Variants in SDK2 observed in about 807,000 individuals in gnomAD.
SDK2 encodes the protein sidekick cell adhesion molecule 2.
Under a neutral mutation model 253.9 loss-of-function variants are expected in SDK2, and 105 were observed. That is an observed-to-expected ratio of 0.41 (90% CI 0.35 to 0.49). The LOEUF is 0.49. SDK2 is among the 20% of genes least tolerant of loss of function. The pLI is 0.06. For missense variants in SDK2, 2,608 were observed against 3,003.0 expected, an observed-to-expected ratio of 0.87 and a Z score of 3.07; for synonymous variants, 1,249 against 1,234.9, an observed-to-expected ratio of 1.01 and a Z score of -0.24.
At chr17:73,401,264 T>C (rs1699343363) in intron 20 of SDK2, 53 bp from the exon 21 acceptor site, 2 of 1,463,492 alleles carry the variant, frequency 1.4e-6, no homozygotes, top group Admixed American at 2.1e-5. Flanking sequence ...CAAGTTGGCC[T>C]GACCCACTAC....
intron 6 of SDK2, among the ~76,000 whole-genome samples, chr17:73,438,858 A>G (rs113268228): frequency 0.011 from 1,643 of 152,268 alleles, 30 homozygotes; most frequent in East Asian, 0.063. Context: ...GAAGGGCCCC[A>G]TGGAAAAGGA....
rs1567799525 is a variant in SDK2, at chr17:73,483,700, TATATA to T, written c.225-11487_225-11483del. Among the ~76,000 whole-genome samples, 59 of 81,718 alleles carry T rather than the reference TATATA, an allele frequency of 7.2e-4. 3 individuals carry two copies. The highest frequency in any genetic ancestry group is 1.8e-3 in the East Asian group (5 of 2,728). The allele number at this position is 81,718 out of a possible 152,430, so 53.6% of individuals were successfully genotyped here. A position where few individuals can be genotyped will look rare whatever the true frequency, so the allele number is the denominator to read the frequency against. On this transcript the variant is annotated intron_variant, in intron 2 of 44. Transcript: ENST00000392650. ...ATATATATTTATATATATATATATA[TATATA>T]TATTTTTTTTTTTTTTTAGTAGAGT...
intron 29 of SDK2, among the ~76,000 whole-genome samples, chr17:73,388,837 C>CTT (rs2062899999): frequency 9.0e-6 from 1 of 110,690 alleles, no homozygotes; most frequent in African/African-American, 3.2e-5. Context: ...TCCTTCCTTC[C>CTT]CCCCTCCTTT....
In SDK2 at chr17:73,358,331, C is replaced by G; in HGVS notation, c.5468-127G>C. 3.1e-6 allele frequency: 4 copies of G among 1,271,300 alleles called. No individual in the cohort carries two copies. In the South Asian group the frequency reaches 6.3e-5, roughly 20 times the overall value. The allele number at this position is 1,271,300 out of a possible 1,614,324, so 78.8% of individuals were successfully genotyped here. ...CTGGACAGAGAGCCGCCAGGAAGCC[C>G]TGCAAATGTCGCGGCCTGAGAGTAC... On this transcript the variant is annotated intron_variant, in intron 39 of 44. Coordinates refer to ENST00000392650, the MANE Select transcript of SDK2 (RefSeq NM_001144952.2).
At position 73,399,165 on chromosome 17, in the gene SDK2, T is replaced by G; in HGVS notation, c.3093+3A>C. ...TGCTGGTCAGGCCCCAGGCCTGCCCTACCTGGGCTTCCACCAGCCAGCGGG... is the reference window on the plus strand; with the variant it reads ...TGCTGGTCAGGCCCCAGGCCTGCCCGACCTGGGCTTCCACCAGCCAGCGGG... On this transcript the variant is annotated splice_donor_region_variant and intron_variant, in intron 22 of 44. Transcript: ENST00000392650. The G allele has an allele frequency of 6.2e-7, 1 of 1,613,496 alleles. No homozygotes were observed. Among genetic ancestry groups the G allele is most frequent in the Non-Finnish European group, 8.5e-7 (1 of 1,179,848 alleles).
intron 1 of SDK2, among the ~76,000 whole-genome samples, chr17:73,551,504 C>T (rs892685706): frequency 1.3e-5 from 2 of 152,218 alleles, no homozygotes; most frequent in Non-Finnish European, 2.9e-5. Flanking sequence ...CTCCTTCCAT[C>T]TCTGGTGTCA....
At chr17:73,572,135 G>A (rs1230278250) in intron 1 of SDK2, among the ~76,000 whole-genome samples, 1 of 152,184 alleles carries the variant, frequency 6.6e-6, no homozygotes, top group Non-Finnish European at 1.5e-5. Context: ...CCAAATCAGA[G>A]CTGTCCAAAT....
chr17:73,358,263 T>C, intron 39 of SDK2, 59 bp from the exon 40 acceptor site: 1 of 1,546,246 alleles, frequency 6.5e-7, no homozygotes, highest in Non-Finnish European at 8.7e-7. Flanking sequence ...ACCCAGCCCG[T>C]CACCCTGGGC....
chr17:73,426,208 C>CTT (rs751417057), intron 12 of SDK2, among the ~76,000 whole-genome samples: 345 of 29,144 alleles, frequency 0.012, 83 homozygotes, highest in East Asian at 0.022. Context: ...CCATGCTGGG[C>CTT]TTTTTTTTTT....
chr17:73,460,486 G>C (rs1184997155), intron 3 of SDK2, among the ~76,000 whole-genome samples: 1 of 152,162 alleles, frequency 6.6e-6, no homozygotes, highest in East Asian at 1.9e-4. Context: ...TTTTGGGGTA[G>C]TTTGTTACAT....
At chr17:73,631,752 A>G (rs2046273824) in intron 1 of SDK2, among the ~76,000 whole-genome samples, 1 of 152,212 alleles carries the variant, frequency 6.6e-6, no homozygotes, top group African/African-American at 2.4e-5. Flanking sequence ...ACACACAGTA[A>G]GGACCTACTT....
chr17:73,493,965 C>T (rs1872077), intron 2 of SDK2, among the ~76,000 whole-genome samples: 41,744 of 152,046 alleles, frequency 0.27, 6,550 homozygotes, highest in East Asian at 0.48. Flanking sequence ...ACAAGGACAC[C>T]GAGGGAACTC....
At position 73,336,435 on chromosome 17, in the gene SDK2, C is replaced by T. The variant is rs1051020392; in HGVS notation, c.*2152G>A. On this transcript the variant is annotated 3_prime_UTR_variant, in exon 45 of 45. Transcript: ENST00000392650. ...TTCTCCTTTGGGGAAGATTGTGCTTCCCTTCCCAGGCCTCCTTATTGGAGA... is the reference window on the plus strand; with the variant it reads ...TTCTCCTTTGGGGAAGATTGTGCTTTCCTTCCCAGGCCTCCTTATTGGAGA... The T allele has an allele frequency of 6.6e-6, 1 of 152,276 alleles. No homozygotes were observed. 9.4% of individuals were successfully genotyped at this position (152,276 alleles called of 1,614,324 possible).
chr17:73,470,725 T>C (rs1194398668), intron 3 of SDK2, among the ~76,000 whole-genome samples: 1 of 152,254 alleles, frequency 6.6e-6, no homozygotes, highest in Non-Finnish European at 1.5e-5. Flanking sequence ...ATTTCTCTCC[T>C]GCACTTCTCT....
chr17:73,632,881 C>T (rs568763006), intron 1 of SDK2, among the ~76,000 whole-genome samples: 18 of 152,204 alleles, frequency 1.2e-4, no homozygotes, highest in South Asian at 8.3e-4. Context: ...GCCATGGGGA[C>T]GACAAGCCAC....
Position 73,563,064 on chromosome 17 carries a change from C to T in SDK2, c.65-55467G>A, listed in dbSNP as rs912950139. Among the ~76,000 whole-genome samples the T allele has an allele frequency of 5.9e-5, 9 of 152,306 alleles. No individual in the cohort carries two copies. In the East Asian group the frequency reaches 9.7e-4, roughly 16 times the overall value. On this transcript the variant is annotated intron_variant, in intron 1 of 44. Transcript: ENST00000392650. ...GCTCTGATACCGCCTCACTGCCTGC[C>T]GCCCCACCCTGGTCCTCGGGCCATT...
intron 1 of SDK2, among the ~76,000 whole-genome samples, chr17:73,591,207 C>T (rs1389631165): frequency 6.6e-6 from 1 of 152,182 alleles, no homozygotes; most frequent in Admixed American, 6.5e-5. Context: ...TGTGAGCCAC[C>T]GCACCCGGTC....
chr17:73,456,996 GCCC>G (rs199725623), intron 3 of SDK2, among the ~76,000 whole-genome samples: 2 of 152,292 alleles, frequency 1.3e-5, no homozygotes, highest in South Asian at 2.1e-4. Context: ...AGAGTCTCAG[GCCC>G]CCCAAGACCT....
At chr17:73,631,157 A>G (rs544990938) in intron 1 of SDK2, among the ~76,000 whole-genome samples, 39 of 152,214 alleles carry the variant, frequency 2.6e-4, no homozygotes, top group African/African-American at 7.9e-4. Flanking sequence ...CCCGACGACT[A>G]CCATTTTTCA....
Sources: allele counts gnomAD v4.1 joint callset (sites outside exome capture counted in the v4.1 genomes callset), GRCh38; gene constraint gnomAD v4.1.1; transcripts MANE v1.5; gene names NCBI Gene and HGNC (gene_info 2026-07-23, HGNC 2026-07-21).